Variants in STK3 observed in about 807,000 individuals in gnomAD.
STK3 encodes serine/threonine-protein kinase 3.
Under a neutral mutation model 58.0 loss-of-function variants are expected in STK3, and 41 were observed. The ratio of observed to expected loss-of-function variants is 0.71; its 90% confidence interval spans 0.55 to 0.92. STK3 has a LOEUF of 0.92. STK3 is among the 40% of genes least tolerant of loss of function. The probability of loss-of-function intolerance (pLI) is 0.00; values close to 1 mark genes in which losing one functional copy is unlikely to be tolerated. For synonymous variants in STK3, 170 were observed against 191.0 expected (o/e 0.89, Z 0.91); for missense variants, 479 against 602.7 (o/e 0.79, Z 2.15).
chr8:98,723,138 G>A (rs1015127618), intron 4 of STK3, among the ~76,000 whole-genome samples: 1 of 152,168 alleles, frequency 6.6e-6, no homozygotes, highest in Admixed American at 6.5e-5. Flanking sequence ...TAAATCCTCT[G>A]AATCACATTT....
chr8:98,440,834 A>G, intron 1 of STK3, among the ~76,000 whole-genome samples: 1 of 152,342 alleles, frequency 6.6e-6, no homozygotes, highest in South Asian at 2.1e-4. Context: ...TACATGAGGA[A>G]TCGGAAGCAC....
chr8:98,598,964 T>G (rs1816075770), intron 6 of STK3: 1 of 916,614 alleles, frequency 1.1e-6, no homozygotes, highest in African/African-American at 1.8e-5. Context: ...ACTGCAAGAG[T>G]ACCCAGGAGA....
intron 10 of STK3, among the ~76,000 whole-genome samples, chr8:98,500,542 G>T (rs543868691): frequency 9.2e-5 from 14 of 151,996 alleles, no homozygotes; most frequent in African/African-American, 3.1e-4. Flanking sequence ...GCCCCCATGT[G>T]TGATGTTCCC....
At chr8:98,347,183 T>G in the STK3 span, among the ~76,000 whole-genome samples, 1 of 151,734 alleles carries the variant, frequency 6.6e-6, no homozygotes, top group African/African-American at 2.4e-5. Flanking sequence ...TTATAGCTAA[T>G]AAACCAAGGA....
intron 3 of STK3, among the ~76,000 whole-genome samples, chr8:98,874,270 A>G (rs202039682): frequency 6.6e-6 from 1 of 152,170 alleles, no homozygotes; most frequent in African/African-American, 2.4e-5. Context: ...CTGGCTGCCC[A>G]TAACATTTTT....
chr8:98,608,655 T>C (rs1384955663), intron 6 of STK3, among the ~76,000 whole-genome samples: 1 of 152,140 alleles, frequency 6.6e-6, no homozygotes, highest in Non-Finnish European at 1.5e-5. Context: ...AAAATGAAAT[T>C]GGTAATGTGT....
At chr8:98,517,183 C>A (rs188023780) in intron 10 of STK3, among the ~76,000 whole-genome samples, 7 of 152,142 alleles carry the variant, frequency 4.6e-5, no homozygotes, top group Admixed American at 1.3e-4. Flanking sequence ...CCCTATCACT[C>A]ATTTATCTCC....
chr8:98,667,334 T>C (rs1324910883), intron 6 of STK3, among the ~76,000 whole-genome samples: 1 of 152,146 alleles, frequency 6.6e-6, no homozygotes, highest in Non-Finnish European at 1.5e-5. Flanking sequence ...ATGGGCAATT[T>C]TGGTACTAGC....
intron 1 of STK3, among the ~76,000 whole-genome samples, chr8:98,890,760 AG>A (rs1219222269): frequency 6.6e-6 from 1 of 152,250 alleles, no homozygotes. Flanking sequence ...TTCTAATTCC[AG>A]AGACATGAAA....
intron 4 of STK3, among the ~76,000 whole-genome samples, chr8:98,744,004 A>G (rs1829453504): frequency 6.6e-6 from 1 of 152,116 alleles, no homozygotes; most frequent in African/African-American, 2.4e-5. Flanking sequence ...TGGCCATCAG[A>G]GAAATGCAAA....
At chr8:98,744,142 A>G (rs1247036393) in intron 4 of STK3, among the ~76,000 whole-genome samples, 1 of 152,188 alleles carries the variant, frequency 6.6e-6, no homozygotes, top group African/African-American at 2.4e-5. Flanking sequence ...GGGAATGTAA[A>G]CTAGTTCAAC....
At chr8:98,447,221 CAT>C (rs555202869) in intron 1 of STK3, among the ~76,000 whole-genome samples, 1 of 152,038 alleles carries the variant, frequency 6.6e-6, no homozygotes, top group African/African-American at 2.4e-5. Flanking sequence ...CAAACCTTCA[CAT>C]GTGTCCCCAA....
intron 4 of STK3, among the ~76,000 whole-genome samples, chr8:98,710,048 C>T (rs1271778783): frequency 6.6e-6 from 1 of 151,784 alleles, no homozygotes; most frequent in Non-Finnish European, 1.5e-5. Context: ...ATAAAGGCAT[C>T]CAAACTGGAA....
chr8:98,756,884 G>A (rs1297215747), intron 3 of STK3, among the ~76,000 whole-genome samples: 3 of 152,134 alleles, frequency 2.0e-5, no homozygotes. Context: ...CCAGGGCCAG[G>A]TACCAGACAA....
intron 3 of STK3, among the ~76,000 whole-genome samples, chr8:98,867,418 A>G (rs1436003949): frequency 6.6e-6 from 1 of 152,166 alleles, no homozygotes; most frequent in Admixed American, 6.5e-5. Flanking sequence ...CTGTCTCGAA[A>G]AAATAATTTT....
At chr8:98,631,679 T>C (rs1819256683) in intron 6 of STK3, among the ~76,000 whole-genome samples, 1 of 152,140 alleles carries the variant, frequency 6.6e-6, no homozygotes, top group Admixed American at 6.6e-5. Flanking sequence ...TGTGTTTTTT[T>C]CCCGAGACAG....
chr8:98,750,720 G>A (rs939818237), intron 3 of STK3, among the ~76,000 whole-genome samples: 39 of 152,078 alleles, frequency 2.6e-4, no homozygotes, highest in Admixed American at 1.3e-3. Flanking sequence ...TCAAAAAATT[G>A]AGGAGAAGGA....
At chr8:98,539,156 C>T (rs1810022802) in intron 9 of STK3, among the ~76,000 whole-genome samples, 1 of 152,152 alleles carries the variant, frequency 6.6e-6, no homozygotes, top group Non-Finnish European at 1.5e-5. Context: ...CAAATTCCAT[C>T]CTTAGTGATT....
intron 3 of STK3, among the ~76,000 whole-genome samples, chr8:98,840,628 T>A (rs111470124): frequency 8.7e-6 from 1 of 114,478 alleles, no homozygotes; most frequent in African/African-American, 3.4e-5. Context: ...TATATATATA[T>A]ACACACACAT....
Sources: allele counts gnomAD v4.1 joint callset (sites outside exome capture counted in the v4.1 genomes callset), GRCh38; gene constraint gnomAD v4.1.1; transcripts MANE v1.5; gene names NCBI Gene and HGNC (gene_info 2026-07-23, HGNC 2026-07-21).